The following PHF14 variants were observed in gnomAD, a reference collection of about 807,000 sequenced individuals.
PHF14 encodes the protein PHD finger protein 14.
PHF14 carries 55 observed loss-of-function variants against 117.9 expected under a neutral mutation model. The observed-to-expected ratio is 0.47, with a 90% CI of 0.38 to 0.58. The LOEUF (loss-of-function observed/expected upper bound fraction) is 0.58, where lower values mean the gene tolerates loss of function less well. Among genes scored for constraint, PHF14 ranks in the 20% least tolerant of loss-of-function variants. PHF14 has a pLI of 0.00. For missense variants in PHF14, 978 were observed against 1,122.2 expected, an observed-to-expected ratio of 0.87 and a Z score of 1.84; for synonymous variants, 409 against 368.6, an observed-to-expected ratio of 1.11 and a Z score of -1.26.
At chr7:10,987,213 G>T (rs989266534) in intron 3 of PHF14, among the ~76,000 whole-genome samples, 4 of 152,058 alleles carry the variant, frequency 2.6e-5, no homozygotes, top group African/African-American at 9.7e-5. Flanking sequence ...TATAAATATC[G>T]AGATTCATGA....
chr7:10,988,064 AT>A (rs573584801), intron 3 of PHF14, among the ~76,000 whole-genome samples: 186 of 151,440 alleles, frequency 1.2e-3, no homozygotes, highest in Admixed American at 1.7e-3. Context: ...TGAGATCCTA[AT>A]TTTTTTTAAG....
intron 17 of PHF14, among the ~76,000 whole-genome samples, chr7:11,121,401 C>T (rs950681793): frequency 6.6e-6 from 1 of 152,102 alleles, no homozygotes; most frequent in Non-Finnish European, 1.5e-5. Context: ...ACTAATTCTC[C>T]GATGCTACTA....
chr7:11,060,066 A>G lies in PHF14; in HGVS notation c.2482-1725A>G, dbSNP rs6971440. Among the ~76,000 whole-genome samples the G allele has an allele frequency of 5.4e-3, 817 of 152,028 alleles. 5 individuals are homozygous for G. Among genetic ancestry groups the G allele is most frequent in the African/African-American group, 0.019 (778 of 41,452 alleles). On this transcript the variant is annotated intron_variant, in intron 14 of 17. Transcript: ENST00000634607. ...TTTCATTTTTATTGTTAGTAGAGAT[A>G]AGGTCTCTCTGTGTTGCCCAGGCTG...
chr7:11,105,620 C>G, intron 16 of PHF14: 2 of 984,624 alleles, frequency 2.0e-6, no homozygotes, highest in Non-Finnish European at 2.4e-6. Context: ...TTTTTTCTAC[C>G]TGTCTGAATC....
chr7:11,146,536 A>G (rs1376733325), intron 17 of PHF14, among the ~76,000 whole-genome samples: 5 of 152,226 alleles, frequency 3.3e-5, no homozygotes, highest in African/African-American at 1.2e-4. Context: ...AAAATATTAT[A>G]TACCCCTGAC....
At chr7:11,089,628 TACTC>T (rs569444913) in intron 16 of PHF14, among the ~76,000 whole-genome samples, 11 of 152,316 alleles carry the variant, frequency 7.2e-5, no homozygotes, top group East Asian at 5.8e-4. Context: ...ATTCTTCAAA[TACTC>T]AGGCAAGTTT....
intron 5 of PHF14, among the ~76,000 whole-genome samples, chr7:11,014,567 G>A (rs1004133784): frequency 1.3e-5 from 2 of 152,106 alleles, no homozygotes; most frequent in Admixed American, 6.6e-5. Context: ...AGGGCTGTGA[G>A]GTCACTGAGG....
chr7:10,991,731 TG>T (rs953239085), intron 4 of PHF14, among the ~76,000 whole-genome samples: 2 of 150,516 alleles, frequency 1.3e-5, no homozygotes, highest in Non-Finnish European at 1.5e-5. Flanking sequence ...GTTTCTTGTT[TG>T]TTTTTTTTTA....
At chr7:11,017,556 T>C (rs1783575511) in intron 5 of PHF14, among the ~76,000 whole-genome samples, 1 of 152,170 alleles carries the variant, frequency 6.6e-6, no homozygotes, top group Non-Finnish European at 1.5e-5. Context: ...ATGTCTTTTT[T>C]TGAGAAATGT....
chr7:11,145,850 T>A (rs959688206), intron 17 of PHF14, among the ~76,000 whole-genome samples: 7 of 152,062 alleles, frequency 4.6e-5, no homozygotes, highest in African/African-American at 1.4e-4. Context: ...ATCGTATACG[T>A]TATACATTAC....
chr7:11,032,299 T>C (rs895758339), intron 7 of PHF14, among the ~76,000 whole-genome samples: 1 of 152,202 alleles, frequency 6.6e-6, no homozygotes, highest in Non-Finnish European at 1.5e-5. Context: ...TAGGTTATTA[T>C]TGTATTTAAA....
chr7:11,026,737 TTA>T (rs936776350), intron 6 of PHF14, among the ~76,000 whole-genome samples: 5 of 151,862 alleles, frequency 3.3e-5, no homozygotes, highest in African/African-American at 1.2e-4. Flanking sequence ...TTTTTTTTTT[TTA>T]AATTTAATTT....
intron 16 of PHF14, among the ~76,000 whole-genome samples, chr7:11,089,778 T>C (rs71536840): frequency 7.8e-4 from 70 of 89,946 alleles, no homozygotes; most frequent in East Asian, 2.2e-3. Context: ...TTTTTTTTTT[T>C]TTTTTTTTTG....
chr7:11,167,467 C>G (rs1388752426), intron 17 of PHF14, among the ~76,000 whole-genome samples: 1 of 152,122 alleles, frequency 6.6e-6, no homozygotes, highest in Non-Finnish European at 1.5e-5. Context: ...ACCTTTTATT[C>G]GTTCATTATT....
At chr7:11,076,288 G>T (rs6974846) in intron 16 of PHF14, among the ~76,000 whole-genome samples, 16,587 of 152,204 alleles carry the variant, frequency 0.11, 1,066 homozygotes, top group African/African-American at 0.18. Context: ...AGGCTAAATG[G>T]TGGCATCCCT....
chr7:11,093,613 T>A (rs189955937), intron 16 of PHF14, among the ~76,000 whole-genome samples: 6 of 152,330 alleles, frequency 3.9e-5, no homozygotes, highest in Admixed American at 3.9e-4. Flanking sequence ...TGCACTGTCT[T>A]TCCTCTTACT....
intron 16 of PHF14, among the ~76,000 whole-genome samples, chr7:11,071,638 C>G (rs2128333214): frequency 6.6e-6 from 1 of 152,250 alleles, no homozygotes; most frequent in East Asian, 1.9e-4. Context: ...GTATTTCCAT[C>G]ACCTCAAAAA....
chr7:11,041,865 G>T (rs1411381548), intron 12 of PHF14, among the ~76,000 whole-genome samples: 1 of 151,518 alleles, frequency 6.6e-6, no homozygotes, highest in Non-Finnish European at 1.5e-5. Context: ...TTTTAAGTGT[G>T]TGTGTGTGTG....
At chr7:11,116,782 T>C (rs1190137020) in intron 17 of PHF14, among the ~76,000 whole-genome samples, 2 of 152,096 alleles carry the variant, frequency 1.3e-5, no homozygotes, top group Admixed American at 6.6e-5. Context: ...ACTACTGTTA[T>C]ACCTAGTTGT....
Sources: gnomAD v4.1 joint callset for allele counts (sites outside exome capture counted in the v4.1 genomes callset) on GRCh38, gnomAD v4.1.1 for gene constraint, MANE v1.5 for transcripts, NCBI Gene and HGNC (gene_info 2026-07-23, HGNC 2026-07-21) for gene names.